The following ABCD3 variants were observed in gnomAD, a reference collection of about 807,000 sequenced individuals.
ABCD3 encodes ATP-binding cassette sub-family D member 3.
ABCD3 carries 41 observed loss-of-function variants against 105.5 expected under a neutral mutation model. The observed-to-expected ratio is 0.39, with a 90% CI of 0.30 to 0.50. The LOEUF (loss-of-function observed/expected upper bound fraction) is 0.50, where lower values mean the gene tolerates loss of function less well. ABCD3 is among the 20% of genes least tolerant of loss of function. The pLI, the probability that ABCD3 is intolerant of heterozygous loss-of-function variation, is 0.84. For missense variants in ABCD3, 622 were observed against 806.3 expected (o/e 0.77, Z 2.77); for synonymous variants, 258 against 269.0 (o/e 0.96, Z 0.40).
chr1:94,474,856 G>A (rs980930973), intron 5 of ABCD3, among the ~76,000 whole-genome samples: 3 of 151,930 alleles, frequency 2.0e-5, no homozygotes, highest in African/African-American at 7.2e-5. Context: ...TGGCTAGAAA[G>A]GGGATATATT....
chr1:94,515,063 C>T (rs1360977191), intron 21 of ABCD3, 83 bp from the exon 22 acceptor site: 1 of 1,082,912 alleles, frequency 9.2e-7, no homozygotes, highest in East Asian at 2.4e-5. Flanking sequence ...TGAAGACTGT[C>T]CTCTTAACAG....
chr1:94,407,831 A>G, the ABCD3 span, among the ~76,000 whole-genome samples: 1 of 152,262 alleles, frequency 6.6e-6, no homozygotes, highest in African/African-American at 2.4e-5. Context: ...TAAATGGTCA[A>G]TAAAGAAACA....
the ABCD3 span, among the ~76,000 whole-genome samples, chr1:94,401,836 AGGCACAG>A: frequency 6.6e-6 from 1 of 152,204 alleles, no homozygotes; most frequent in Non-Finnish European, 1.5e-5. Context: ...ATGCTATAAA[AGGCACAG>A]GTCTTAAGTA....
the ABCD3 span, among the ~76,000 whole-genome samples, chr1:94,400,798 C>A: frequency 6.6e-6 from 1 of 152,196 alleles, no homozygotes; most frequent in African/African-American, 2.4e-5. Context: ...CGTTTCTGAG[C>A]TGCTATGGTT....
intron 1 of ABCD3, among the ~76,000 whole-genome samples, chr1:94,453,178 T>G (rs767212109): frequency 7.2e-5 from 11 of 152,186 alleles, no homozygotes; most frequent in Non-Finnish European, 1.3e-4. Flanking sequence ...GGGGGTTTTG[T>G]TAGAACTCCC....
chr1:94,516,730 G>A (rs1168442603), intron 22 of ABCD3, among the ~76,000 whole-genome samples: 1 of 151,780 alleles, frequency 6.6e-6, no homozygotes. Flanking sequence ...AGGATATATC[G>A]GCAGTTTTTA....
At chr1:94,511,315 T>C (rs1650660875) in intron 21 of ABCD3, among the ~76,000 whole-genome samples, 1 of 152,176 alleles carries the variant, frequency 6.6e-6, no homozygotes, top group African/African-American at 2.4e-5. Context: ...TGTTGAATAT[T>C]GTCCCCCACT....
At chr1:94,485,974 T>G (rs1411033851) in intron 10 of ABCD3, among the ~76,000 whole-genome samples, 3 of 152,142 alleles carry the variant, frequency 2.0e-5, no homozygotes, top group Admixed American at 2.0e-4. Context: ...GGCAGATCAG[T>G]TGAGGTCAGG....
At chr1:94,487,159 A>T (rs758267502) in intron 10 of ABCD3, among the ~76,000 whole-genome samples, 1 of 152,190 alleles carries the variant, frequency 6.6e-6, no homozygotes, top group African/African-American at 2.4e-5. Context: ...CCGGACAGCT[A>T]GTGTTTCACT....
upstream of ABCD3, among the ~76,000 whole-genome samples, chr1:94,418,144 T>C (rs569593688): frequency 6.6e-6 from 1 of 152,062 alleles, no homozygotes; most frequent in East Asian, 1.9e-4. Flanking sequence ...AGGGTAGGGG[T>C]GAGGCAGGGG....
At chr1:94,511,242 T>C (rs1436724297) in intron 21 of ABCD3, among the ~76,000 whole-genome samples, 10 of 152,166 alleles carry the variant, frequency 6.6e-5, no homozygotes, top group South Asian at 6.2e-4. Flanking sequence ...ATTTCTCCTT[T>C]ACTTATGAAG....
At chr1:94,505,797 C>A (rs936231675) in intron 20 of ABCD3, among the ~76,000 whole-genome samples, 5 of 152,058 alleles carry the variant, frequency 3.3e-5, no homozygotes, top group African/African-American at 1.2e-4. Context: ...ATGGAGTGGT[C>A]TTCTAAAGAG....
the ABCD3 span, among the ~76,000 whole-genome samples, chr1:94,402,742 A>G: frequency 6.6e-6 from 1 of 152,166 alleles, no homozygotes; most frequent in Non-Finnish European, 1.5e-5. Context: ...ACATTTCCAT[A>G]TTCTTTCTTT....
chr1:94,515,960 G>A (rs918665732), intron 22 of ABCD3, among the ~76,000 whole-genome samples: 10 of 151,414 alleles, frequency 6.6e-5, no homozygotes, highest in African/African-American at 2.4e-4. Flanking sequence ...TAAAAGCAAG[G>A]ATTTGAGAAA....
At chr1:94,386,122 C>G in the ABCD3 span, among the ~76,000 whole-genome samples, 1 of 151,978 alleles carries the variant, frequency 6.6e-6, no homozygotes, top group Non-Finnish European at 1.5e-5. Flanking sequence ...AAGAAATTTC[C>G]CACAGCTGCC....
chr1:94,500,288 A>T (rs1431832522), intron 20 of ABCD3, among the ~76,000 whole-genome samples: 2 of 152,052 alleles, frequency 1.3e-5, no homozygotes, highest in Non-Finnish European at 2.9e-5. Context: ...ACAAAAAAAA[A>T]TTTAAAAATT....
Position 94,517,250 on chromosome 1 carries a change from A to G in ABCD3, c.*121A>G. ...TTTTAAAAAAAAAAACAAAGCAACA[A>G]ATTAACTAGATACAGAATAATGGAG... On this transcript the variant is annotated 3_prime_UTR_variant, in exon 23 of 23. Coordinates refer to ENST00000370214, the MANE Select transcript of ABCD3 (RefSeq NM_002858.4). The G allele has an allele frequency of 1.3e-6, 1 of 744,324 alleles. No homozygotes were observed. The highest frequency in any genetic ancestry group is 2.4e-6 in the Non-Finnish European group (1 of 425,234). The allele number at this position is 744,324 out of a possible 1,614,324, so 46.1% of individuals were successfully genotyped here.
intron 4 of ABCD3, among the ~76,000 whole-genome samples, chr1:94,469,453 C>T (rs1648332028): frequency 3.4e-5 from 5 of 148,748 alleles, no homozygotes; most frequent in Admixed American, 3.3e-4. Flanking sequence ...TTTTGTTTTT[C>T]CTGGTGTTTA....
At chr1:94,485,486 A>G (rs1380194028) in intron 10 of ABCD3, among the ~76,000 whole-genome samples, 1 of 152,204 alleles carries the variant, frequency 6.6e-6, no homozygotes, top group South Asian at 2.1e-4. Context: ...TAGAGTGCTC[A>G]CTGGTAGAAT....
Sources: allele counts gnomAD v4.1 joint callset (sites outside exome capture counted in the v4.1 genomes callset), GRCh38; gene constraint gnomAD v4.1.1; transcripts MANE v1.5; gene names NCBI Gene and HGNC (gene_info 2026-07-23, HGNC 2026-07-21).